MYOF: variants seen among roughly 807,000 people sequenced by gnomAD.
The protein encoded by MYOF is fer-1-like 3, myoferlin.
In MYOF, 244 loss-of-function variants were observed where a neutral mutation model predicts 284.2. That is an observed-to-expected ratio of 0.86 (90% confidence interval 0.77 to 0.95). The LOEUF is 0.95. MYOF is among the 40% of genes least tolerant of loss of function. The pLI, the probability that MYOF is intolerant of heterozygous loss-of-function variation, is 0.00. For missense variants in MYOF, 2,496 were observed against 2,560.6 expected (o/e 0.97, Z 0.54); for synonymous variants, 904 against 919.7 (o/e 0.98, Z 0.31).
chr10:93,399,579 A>G, intron 12 of MYOF, 84 bp from the exon 13 acceptor site: 1 of 915,968 alleles, frequency 1.1e-6, no homozygotes, highest in Non-Finnish European at 1.7e-6. Flanking sequence ...TATACATCAA[A>G]ATAGTTGCAA....
At chr10:93,319,199 C>T (rs79709799) in intron 49 of MYOF, among the ~76,000 whole-genome samples, 134 of 152,234 alleles carry the variant, frequency 8.8e-4, no homozygotes, top group African/African-American at 2.9e-3. Context: ...CTGAGGTTTG[C>T]GGGGAGGACA....
At chr10:93,369,132 T>TTTTTTTTTTTTTTTTTTTGTTTTTG (rs1845465469) in intron 25 of MYOF, among the ~76,000 whole-genome samples, 1 of 109,656 alleles carries the variant, frequency 9.1e-6, no homozygotes, top group African/African-American at 2.9e-5. Context: ...TTTTTTTTTT[T>TTTTTTTTTTTTTTTTTTTGTTTTTG]GCCCCTGGAC....
At chr10:93,352,621 T>C (rs972556817) in intron 32 of MYOF, among the ~76,000 whole-genome samples, 2 of 152,216 alleles carry the variant, frequency 1.3e-5, no homozygotes, top group Admixed American at 6.5e-5. Flanking sequence ...GGCTGACTTA[T>C]CTGAAAAATA....
chr10:93,359,770 T>C, intron 29 of MYOF, 63 bp downstream of exon 29: 1 of 1,597,434 alleles, frequency 6.3e-7, no homozygotes, highest in Non-Finnish European at 8.5e-7. Context: ...GCTAGTTAGC[T>C]GGGACTTTGT....
chr10:93,333,672 C>T, intron 42 of MYOF, 86 bp downstream of exon 42: 1 of 1,524,160 alleles, frequency 6.6e-7, no homozygotes, highest in South Asian at 1.2e-5. Flanking sequence ...ATAACAGACG[C>T]CCAGAAAGAA....
At chr10:93,397,098 T>C (rs11819008) in intron 15 of MYOF, 149 bp downstream of exon 15, 35,253 of 608,416 alleles carry the variant, frequency 0.058, 1,183 homozygotes, top group Middle Eastern at 0.086. Flanking sequence ...TATTAAATTT[T>C]GTTTTAAGAA....
chr10:93,447,779 G>T (rs551161951), intron 3 of MYOF, among the ~76,000 whole-genome samples: 98 of 152,238 alleles, frequency 6.4e-4, no homozygotes, highest in African/African-American at 2.3e-3. Context: ...GAGTGCCAGG[G>T]TGAGCCTGAC....
At chr10:93,456,235 A>G (rs1317295883) in intron 2 of MYOF, among the ~76,000 whole-genome samples, 2 of 152,206 alleles carry the variant, frequency 1.3e-5, no homozygotes, top group Admixed American at 1.3e-4. Flanking sequence ...CATTTGCTAT[A>G]TGCTGCTAGT....
At chr10:93,380,214 C>G (rs1194404076) in intron 20 of MYOF, among the ~76,000 whole-genome samples, 2 of 152,140 alleles carry the variant, frequency 1.3e-5, no homozygotes, top group Non-Finnish European at 2.9e-5. Flanking sequence ...AAACTGAGCA[C>G]AGCAATCTCA....
intron 19 of MYOF, among the ~76,000 whole-genome samples, chr10:93,384,089 C>T (rs969122410): frequency 3.3e-5 from 5 of 152,158 alleles, no homozygotes; most frequent in Admixed American, 2.6e-4. Flanking sequence ...ATGAGCAAGC[C>T]GCTGAAGATG....
At position 93,335,993 on chromosome 10, in the gene MYOF, G is replaced by C; in HGVS notation, c.4491C>G (p.Phe1497Leu). The change falls in exon 41 of 54, where the codon TTC (phenylalanine) becomes TTG (leucine). Residue 1497 changes from phenylalanine (F) to leucine (L), a missense_variant. Coordinates refer to ENST00000359263, the MANE Select transcript of MYOF (RefSeq NM_013451.4). ...NVAEFEGLTD[F>L]SDTFKLYRGK... ...CTCGGTACAACTTGAACGTATCTGAGAAGTCTGTCAGGCCCTCAAATTCTG... is the reference window on the plus strand; with the variant it reads ...CTCGGTACAACTTGAACGTATCTGACAAGTCTGTCAGGCCCTCAAATTCTG... The C allele has an allele frequency of 6.2e-7, 1 of 1,614,174 alleles. No homozygotes were observed. Among genetic ancestry groups the C allele is most frequent in the Non-Finnish European group, 8.5e-7 (1 of 1,180,034 alleles).
In MYOF at chr10:93,425,027, C is replaced by T. The variant is rs112236343; in HGVS notation, c.433+1044G>A. Among the ~76,000 whole-genome samples the T allele has an allele frequency of 7.2e-3, 1,073 of 148,870 alleles. 14 individuals are homozygous for T. Among genetic ancestry groups the T allele is most frequent in the African/African-American group, 0.025 (1,008 of 40,576 alleles). ...AATCTCGGCTCACTGAAACCTCCTC[C>T]TCATGGGTTCAAGCAATTCTCCTGT... On this transcript the variant is annotated intron_variant, in intron 5 of 53. Coordinates refer to ENST00000359263, the MANE Select transcript of MYOF (RefSeq NM_013451.4).
At chr10:93,375,077 G>A in intron 22 of MYOF, 122 bp from the exon 23 acceptor site, 1 of 958,312 alleles carries the variant, frequency 1.0e-6, no homozygotes, top group Non-Finnish European at 1.5e-6. Flanking sequence ...CCTCCTAACT[G>A]AATCTACAAG....
chr10:93,362,462 C>G (rs1358281004), intron 27 of MYOF, among the ~76,000 whole-genome samples: 4 of 151,924 alleles, frequency 2.6e-5, no homozygotes, highest in Admixed American at 2.6e-4. Context: ...CCAGGCTGAT[C>G]TCAAACTCCT....
At chr10:93,350,312 C>CT (rs369003989) in intron 35 of MYOF, among the ~76,000 whole-genome samples, 80 of 148,166 alleles carry the variant, frequency 5.4e-4, no homozygotes, top group Non-Finnish European at 7.7e-4. Flanking sequence ...CACCTGTAAA[C>CT]TTTTTTTTTT....
rs1846102836 is a variant in MYOF, at chr10:93,381,357, A to G, written c.1738T>C (p.Phe580Leu). ...TCTTGCAACATGGTGGCTGAATGAA[A>G]CACGGCAGACAGGCTGTACTTCCGC... ...RRRKYSLSAV[F>L]HSATMLQDVG... Residue 580 changes from phenylalanine to leucine, a missense_variant, in exon 20 of 54, where the codon TTT (phenylalanine) becomes CTT (leucine). Phe to Leu is a conservative substitution (Grantham distance 22). Transcript: ENST00000359263. 1 of 1,614,222 alleles carries G rather than the reference A, an allele frequency of 6.2e-7. No individual in the cohort carries two copies. The highest frequency in any genetic ancestry group is 1.3e-5 in the African/African-American group (1 of 75,060).
rs66923086 is a variant in MYOF at position 93,369,110 on chromosome 10, CTTTTTTTTTT to C, written c.2589+525_2589+534del. ...TATTGTTTTAGAAGTATTCAGACAG[CTTTTTTTTTT>C]TTTTTTTTTTTTGCCCCTGGACAAG... On this transcript the variant is annotated intron_variant, in intron 25 of 53. Coordinates refer to ENST00000359263, the MANE Select transcript of MYOF (RefSeq NM_013451.4). Among the ~76,000 whole-genome samples, 5 of 78,314 alleles carry C rather than the reference CTTTTTTTTTT, an allele frequency of 6.4e-5. 1 individual carries two copies. The highest frequency in any genetic ancestry group is 2.6e-4 in the African/African-American group (4 of 15,450). The allele number at this position is 78,314 out of a possible 152,430, so 51.4% of individuals were successfully genotyped here. A position where few individuals can be genotyped will look rare whatever the true frequency, so the allele number is the denominator to read the frequency against.
chr10:93,323,491 CAAG>C (rs1842922618), intron 46 of MYOF, 133 bp from the exon 47 acceptor site: 2 of 808,632 alleles, frequency 2.5e-6, no homozygotes, highest in East Asian at 2.7e-5. Flanking sequence ...ACATGGAAGG[CAAG>C]AAGTGGAAGA....
At chr10:93,377,888 C>T (rs1056452551) in intron 21 of MYOF, among the ~76,000 whole-genome samples, 1 of 152,094 alleles carries the variant, frequency 6.6e-6, no homozygotes, top group Non-Finnish European at 1.5e-5. Flanking sequence ...CTAGGATAAA[C>T]CTTGTGGTAT....
Sources: gnomAD v4.1 joint callset for allele counts (sites outside exome capture counted in the v4.1 genomes callset) on GRCh38, gnomAD v4.1.1 for gene constraint, MANE v1.5 for transcripts, NCBI Gene and HGNC (gene_info 2026-07-23, HGNC 2026-07-21) for gene names.